Variants in LEPROTL1 observed in about 807,000 individuals in gnomAD.
LEPROTL1 encodes leptin receptor overlapping transcript-like 1.
Under a neutral mutation model 15.4 loss-of-function variants are expected in LEPROTL1, and 6 were observed. The ratio of observed to expected loss-of-function variants is 0.39; its 90% confidence interval spans 0.21 to 0.77. LEPROTL1 has a LOEUF of 0.77. Ranked by LOEUF, LEPROTL1 falls within the 30% of genes least tolerant of loss-of-function variation. The pLI is 0.41. For synonymous variants in LEPROTL1, 56 were observed against 52.6 expected (o/e 1.06, Z -0.28); for missense variants, 128 against 158.1 (o/e 0.81, Z 1.02).
intron 4 of LEPROTL1, chr8:30,132,802 C>A: frequency 1.3e-6 from 2 of 1,551,750 alleles, no homozygotes; most frequent in South Asian, 2.4e-5. Context: ...GCTCCTGCTC[C>A]TGAAGCCTCC....
rs917674731 is a variant in LEPROTL1, at chr8:30,127,303, A to G, written c.280-5072A>G. Among the ~76,000 whole-genome samples the G allele has an allele frequency of 5.3e-5, 8 of 152,174 alleles. 1 individual carries two copies. Among genetic ancestry groups the G allele is most frequent in the Non-Finnish European group, 7.3e-5 (5 of 68,030 alleles). On this transcript the variant is annotated intron_variant, in intron 3 of 4. Transcript: ENST00000442880. ...ACCAAACTCTCAGACACTATTTTCAAACAAATGAATGAGATCCCCTGGGGA... is the reference window on the plus strand; with the variant it reads ...ACCAAACTCTCAGACACTATTTTCAGACAAATGAATGAGATCCCCTGGGGA...
exon 5 of LEPROTL1, chr8:30,137,545 C>G: frequency 1.5e-6 from 2 of 1,358,858 alleles, no homozygotes; most frequent in South Asian, 1.3e-5. Context: ...GTAGGCAACA[C>G]GTGGCAGTGA....
chr8:30,098,425 G>A (rs988205615), intron 1 of LEPROTL1, among the ~76,000 whole-genome samples: 1 of 152,170 alleles, frequency 6.6e-6, no homozygotes, highest in African/African-American at 2.4e-5. Context: ...TTAAGGGTCT[G>A]TTTATAGAGA....
At chr8:30,099,903 T>C (rs1417376757) in intron 1 of LEPROTL1, among the ~76,000 whole-genome samples, 1 of 152,190 alleles carries the variant, frequency 6.6e-6, no homozygotes, top group African/African-American at 2.4e-5. Context: ...TCAGGGACAC[T>C]GTAGTAGCCT....
chr8:30,120,071 A>C (rs987667103), intron 3 of LEPROTL1, among the ~76,000 whole-genome samples: 2 of 22,412 alleles, frequency 8.9e-5, no homozygotes, highest in Admixed American at 1.5e-3. Flanking sequence ...ATCAATAAAT[A>C]AATAAATAAA....
exon 5 of LEPROTL1, chr8:30,137,664 A>C (rs1354285563): frequency 9.7e-6 from 6 of 616,022 alleles, no homozygotes; most frequent in Non-Finnish European, 1.4e-5. Context: ...TCTTGCTTCT[A>C]ACCTCCAAGC....
downstream of LEPROTL1, among the ~76,000 whole-genome samples, chr8:30,110,159 A>C (rs148810575): frequency 3.5e-4 from 54 of 152,272 alleles, no homozygotes; most frequent in Middle Eastern, 3.4e-3. Flanking sequence ...TCTCTTGAAG[A>C]TTATTTGAAT....
chr8:30,102,071 G>T, intron 2 of LEPROTL1, 98 bp downstream of exon 2: 1 of 662,066 alleles, frequency 1.5e-6, no homozygotes, highest in African/African-American at 1.9e-5. Flanking sequence ...AAGTAATGCA[G>T]AGAAATGTTC....
At chr8:30,133,804 AAG>A (rs1554485798) in intron 4 of LEPROTL1, among the ~76,000 whole-genome samples, 7 of 151,390 alleles carry the variant, frequency 4.6e-5, no homozygotes, top group Admixed American at 1.3e-4. Context: ...AAAAAAAAAA[AAG>A]AAAGAGAAAA....
At chr8:30,122,299 A>G (rs1802842230) in intron 3 of LEPROTL1, among the ~76,000 whole-genome samples, 2 of 152,110 alleles carry the variant, frequency 1.3e-5, no homozygotes, top group Non-Finnish European at 2.9e-5. Context: ...ACTTCACTCT[A>G]TATTCAAAAA....
rs1236659543 is a variant in LEPROTL1, at chr8:30,095,509, C to T, written c.-4C>T. ...GTCGTGGAGCCAGGAGCGACGTCAC[C>T]GCCATGGCAGGCATCAAAGGTGGGC... On this transcript the variant is annotated 5_prime_UTR_variant, in exon 1 of 4. Coordinates refer to ENST00000321250, the MANE Select transcript of LEPROTL1 (RefSeq NM_015344.3). The T allele has an allele frequency of 1.4e-6, 2 of 1,458,706 alleles. No individual in the cohort carries two copies. The highest frequency in any genetic ancestry group is 5.1e-5 in the Admixed American group (2 of 38,912). 90.4% of individuals were successfully genotyped at this position (1,458,706 alleles called of 1,614,324 possible).
At position 30,099,967 on chromosome 8, in the gene LEPROTL1, G is replaced by A. The variant is rs147434200; in HGVS notation, c.17-1931G>A. ...AGGGCCCGGTCATGAGAACCAATTT[G>A]GAACTGAAGAAAACAAATGGTAAAT... On this transcript the variant is annotated intron_variant, in intron 1 of 3. Coordinates refer to ENST00000321250, the MANE Select transcript of LEPROTL1 (RefSeq NM_015344.3). 1.4e-3 allele frequency among the ~76,000 whole-genome samples: 214 copies of A among 152,266 alleles called. 1 individual carries two copies. The highest frequency in any genetic ancestry group is 4.7e-3 in the African/African-American group (196 of 41,552).
chr8:30,123,704 T>C (rs1802866402), intron 3 of LEPROTL1, among the ~76,000 whole-genome samples: 1 of 152,240 alleles, frequency 6.6e-6, no homozygotes, highest in Non-Finnish European at 1.5e-5. Context: ...CTTAGGAAGC[T>C]CTATCCAGAC....
chr8:30,130,439 G>T (rs542853279), intron 3 of LEPROTL1, among the ~76,000 whole-genome samples: 1 of 152,330 alleles, frequency 6.6e-6, no homozygotes, highest in East Asian at 1.9e-4. Context: ...ACCTGCAGAT[G>T]TGGCAGTAAT....
chr8:30,104,430 A>G lies in LEPROTL1; in HGVS notation c.223A>G (p.Thr75Ala), dbSNP rs780864248. 4 of 1,612,730 alleles carry G rather than the reference A, an allele frequency of 2.5e-6. No homozygotes were observed. The highest frequency in any genetic ancestry group is 1.1e-5 in the South Asian group (1 of 90,632). ...ACKELAIFLT[T>A]GIVVSAFGLP... ...TAAGGAACTTGCCATCTTTCTTACA[A>G]CGGGCATTGTCGTGTCAGCTTTTGG... is the stretch of plus-strand genomic sequence containing the variant. The change falls in exon 3 of 4, where the codon ACG becomes GCG. Residue 75 changes from threonine to alanine, a missense_variant. Physicochemically the swap from Thr to Ala is moderately conservative, Grantham distance 58. Transcript: ENST00000321250.
chr8:30,136,989 A>G (rs1266531111), intron 4 of LEPROTL1, among the ~76,000 whole-genome samples: 1 of 152,048 alleles, frequency 6.6e-6, no homozygotes, highest in Non-Finnish European at 1.5e-5. Context: ...TGCCTGGCTG[A>G]AAATAGTCTT....
intron 2 of LEPROTL1, among the ~76,000 whole-genome samples, chr8:30,102,883 TG>T (rs1802494006): frequency 6.6e-6 from 1 of 152,136 alleles, no homozygotes; most frequent in South Asian, 2.1e-4. Context: ...TTTTGTGCTG[TG>T]GGGGGAGTAC....
intron 3 of LEPROTL1, among the ~76,000 whole-genome samples, chr8:30,121,308 C>T (rs544382536): frequency 3.3e-5 from 5 of 151,792 alleles, no homozygotes; most frequent in Non-Finnish European, 5.9e-5. Flanking sequence ...GCTGGAGTGC[C>T]GTGGCTCCAT....
chr8:30,097,399 G>A (rs1372519406), intron 1 of LEPROTL1, among the ~76,000 whole-genome samples: 3 of 151,854 alleles, frequency 2.0e-5, no homozygotes, highest in Non-Finnish European at 2.9e-5. Context: ...TAATCCTGGC[G>A]CGGTGGCTCA....
Sources: allele counts gnomAD v4.1 joint callset (sites outside exome capture counted in the v4.1 genomes callset), GRCh38; gene constraint gnomAD v4.1.1; transcripts MANE v1.5; gene names NCBI Gene and HGNC (gene_info 2026-07-23, HGNC 2026-07-21).